Variants in SYNDIG1 observed in about 807,000 individuals in gnomAD.
SYNDIG1 encodes synapse differentiation-inducing gene protein 1.
In SYNDIG1, 9 loss-of-function variants were observed where a neutral mutation model predicts 19.4. The observed-to-expected ratio is 0.46, with a 90% CI of 0.28 to 0.81. SYNDIG1 has a LOEUF of 0.81. Among genes scored for constraint, SYNDIG1 ranks in the 30% least tolerant of loss-of-function variants. SYNDIG1 has a pLI of 0.12. For missense variants in SYNDIG1, 311 were observed against 343.3 expected, an observed-to-expected ratio of 0.91 and a Z score of 0.74; for synonymous variants, 141 against 145.9, an observed-to-expected ratio of 0.97 and a Z score of 0.24.
intron 1 of SYNDIG1, among the ~76,000 whole-genome samples, chr20:24,516,083 T>C (rs902139927): frequency 2.6e-5 from 4 of 152,166 alleles, no homozygotes; most frequent in Non-Finnish European, 5.9e-5. Context: ...AAACAAGAAA[T>C]GGGGAAAGGA....
At chr20:24,654,802 G>GC (rs2059509051) in intron 3 of SYNDIG1, among the ~76,000 whole-genome samples, 1 of 152,182 alleles carries the variant, frequency 6.6e-6, no homozygotes, top group South Asian at 2.1e-4. Context: ...AGGAGCAGCT[G>GC]CAGCAGTGAA....
chr20:24,569,379 T>C (rs2058104555), intron 2 of SYNDIG1, among the ~76,000 whole-genome samples: 1 of 152,176 alleles, frequency 6.6e-6, no homozygotes, highest in African/African-American at 2.4e-5. Flanking sequence ...TCTGGTCTTA[T>C]GTTAGAATCA....
intron 2 of SYNDIG1, among the ~76,000 whole-genome samples, chr20:24,578,492 A>C (rs1204925270): frequency 1.3e-5 from 2 of 151,614 alleles, no homozygotes; most frequent in Admixed American, 1.3e-4. Flanking sequence ...AAAGGAAGAG[A>C]GTCAGAAAGT....
rs564581411 is a variant in SYNDIG1, at chr20:24,471,397, G to A, written c.-79+1644G>A. Among the ~76,000 whole-genome samples, 704 of 151,978 alleles carry A rather than the reference G, an allele frequency of 4.6e-3. 3 individuals are homozygous for A. Among genetic ancestry groups the A allele is most frequent in the Non-Finnish European group, 7.8e-3 (533 of 67,948 alleles). ...GTGCTCTGTGTTTGGCGGTGGTGTG[G>A]CCCGTTCTTTTGGAGGTCCACACCA... is the stretch of plus-strand genomic sequence containing the variant. On this transcript the variant is annotated intron_variant, in intron 1 of 3. Coordinates refer to ENST00000376862, the MANE Select transcript of SYNDIG1 (RefSeq NM_024893.3).
At chr20:24,643,416 GAGAAGTAACTTTATCAGCT>G (rs2059397563) in intron 3 of SYNDIG1, among the ~76,000 whole-genome samples, 1 of 152,172 alleles carries the variant, frequency 6.6e-6, no homozygotes, top group Non-Finnish European at 1.5e-5. Flanking sequence ...CCGTGTTCAT[GAGAAGTAACTTTATCAGCT>G]AGAGTGCCGT....
At chr20:24,575,765 T>G (rs1184780743) in intron 2 of SYNDIG1, among the ~76,000 whole-genome samples, 1 of 152,242 alleles carries the variant, frequency 6.6e-6, no homozygotes, top group African/African-American at 2.4e-5. Flanking sequence ...AAAATCTGTT[T>G]ACTTCTGAAT....
At chr20:24,555,588 G>A (rs1463620948) in intron 2 of SYNDIG1, among the ~76,000 whole-genome samples, 3 of 152,206 alleles carry the variant, frequency 2.0e-5, no homozygotes, top group Non-Finnish European at 4.4e-5. Context: ...GGAGCAGGTT[G>A]TTCAGTTTCC....
intron 1 of SYNDIG1, among the ~76,000 whole-genome samples, chr20:24,496,192 G>T (rs1464227476): frequency 1.3e-5 from 2 of 152,294 alleles, no homozygotes; most frequent in East Asian, 3.9e-4. Flanking sequence ...TTCAGGAGCA[G>T]CAAGAGAGGG....
chr20:24,540,923 T>A (rs1325131030), intron 1 of SYNDIG1, among the ~76,000 whole-genome samples: 1 of 152,188 alleles, frequency 6.6e-6, no homozygotes, highest in Admixed American at 6.5e-5. Context: ...ACTTAGGAAG[T>A]GCTCACTTCT....
At chr20:24,610,182 G>A (rs1035332058) in intron 3 of SYNDIG1, among the ~76,000 whole-genome samples, 4 of 152,216 alleles carry the variant, frequency 2.6e-5, no homozygotes, top group African/African-American at 7.2e-5. Context: ...ACACTGGTGG[G>A]TGGAGAGACG....
intron 2 of SYNDIG1, among the ~76,000 whole-genome samples, chr20:24,570,736 A>G (rs1454471623): frequency 6.6e-6 from 1 of 152,232 alleles, no homozygotes; most frequent in Non-Finnish European, 1.5e-5. Context: ...TCTGGAAAAC[A>G]CTGTCAGTTT....
At chr20:24,645,720 A>T (rs1208742521) in intron 3 of SYNDIG1, among the ~76,000 whole-genome samples, 1 of 152,232 alleles carries the variant, frequency 6.6e-6, no homozygotes, top group Non-Finnish European at 1.5e-5. Context: ...AGGCTGGGCT[A>T]GGGGGAGACT....
Position 24,661,356 on chromosome 20 carries a change from G to A in SYNDIG1, c.619-3990G>A, listed in dbSNP as rs111254368. Among the ~76,000 whole-genome samples, 1,233 of 139,438 alleles carry A rather than the reference G, an allele frequency of 8.8e-3. 32 individuals are homozygous for A. Among genetic ancestry groups the A allele is most frequent in the African/African-American group, 0.031 (1,155 of 37,270 alleles). The allele number at this position is 139,438 out of a possible 152,430, so 91.5% of individuals were successfully genotyped here. Reference sequence around the variant, plus strand: ...AGGGGGAGGAAGGAGGGAGAGAGGAGGGAGGGAAAACCGAGGGAAGAGGGA... The same window carrying A: ...AGGGGGAGGAAGGAGGGAGAGAGGAAGGAGGGAAAACCGAGGGAAGAGGGA... On this transcript the variant is annotated intron_variant, in intron 3 of 3. Coordinates refer to ENST00000376862, the MANE Select transcript of SYNDIG1 (RefSeq NM_024893.3).
chr20:24,594,296 C>A (rs1257249415), intron 3 of SYNDIG1, among the ~76,000 whole-genome samples: 1 of 152,130 alleles, frequency 6.6e-6, no homozygotes, highest in Non-Finnish European at 1.5e-5. Context: ...ATAGGGAGTT[C>A]TTCCTCCATT....
At chr20:24,511,957 G>A (rs994467787) in intron 1 of SYNDIG1, among the ~76,000 whole-genome samples, 23 of 151,634 alleles carry the variant, frequency 1.5e-4, no homozygotes, top group Middle Eastern at 3.4e-3. Context: ...CTCCTGTGTA[G>A]GCATTTATGA....
chr20:24,576,488 G>A (rs768176603), intron 2 of SYNDIG1, among the ~76,000 whole-genome samples: 20 of 152,120 alleles, frequency 1.3e-4, no homozygotes, highest in African/African-American at 4.8e-4. Flanking sequence ...ACAGTTGATC[G>A]GGGGGCACGT....
Position 24,543,273 on chromosome 20 carries a change from C to A in SYNDIG1, c.176C>A (p.Pro59Gln). Residue 59 changes from proline (P) to glutamine (Q), a missense_variant, in exon 2 of 4, where the codon CCG (proline) becomes CAG (glutamine). Pro to Gln is a moderately conservative substitution (Grantham distance 76). Transcript: ENST00000376862. ...QSHRVGASTVPASLDSSRSEP... is the reference protein window; with the variant it reads ...QSHRVGASTVQASLDSSRSEP... Reference sequence around the variant, plus strand: ...CACCGGGTGGGGGCCAGCACAGTGCCGGCCAGCCTGGACAGCAGCAGGAGT... The same window carrying A: ...CACCGGGTGGGGGCCAGCACAGTGCAGGCCAGCCTGGACAGCAGCAGGAGT... 6.2e-7 allele frequency: 1 copy of A among 1,613,626 alleles called. No homozygotes were observed. Among genetic ancestry groups the A allele is most frequent in the Non-Finnish European group, 8.5e-7 (1 of 1,180,008 alleles).
At chr20:24,512,150 T>TATATATATATATATAC (rs1568598856) in intron 1 of SYNDIG1, among the ~76,000 whole-genome samples, 2 of 118,536 alleles carry the variant, frequency 1.7e-5, no homozygotes, top group African/African-American at 6.5e-5. Context: ...TATATATATA[T>TATATATATATATATAC]ATATGCAGTG....
At position 24,665,587 on chromosome 20, in the gene SYNDIG1, A is replaced by G. The variant is rs2059641200; in HGVS notation, c.*83A>G. ...GCAGGCATACCGCATGATGCTGTAC[A>G]GTACAAATGATTGCCAAATGATGCC... On this transcript the variant is annotated 3_prime_UTR_variant, in exon 4 of 4. Transcript: ENST00000376862. 1 of 1,535,256 alleles carries G rather than the reference A, an allele frequency of 6.5e-7. No homozygotes were observed. Among genetic ancestry groups the G allele is most frequent in the Middle Eastern group, 1.7e-4 (1 of 5,752 alleles).
Sources: gnomAD v4.1 joint callset for allele counts (sites outside exome capture counted in the v4.1 genomes callset) on GRCh38, gnomAD v4.1.1 for gene constraint, MANE v1.5 for transcripts, NCBI Gene and HGNC (gene_info 2026-07-23, HGNC 2026-07-21) for gene names.